Variants in CASR observed in about 807,000 individuals in gnomAD.
CASR encodes calcium sensing receptor, also known as extracellular calcium-sensing receptor.
Under a neutral mutation model 69.1 loss-of-function variants are expected in CASR, and 23 were observed. That is an observed-to-expected ratio of 0.33 (90% CI 0.24 to 0.47). The LOEUF is 0.47. Ranked by LOEUF, CASR falls within the 20% of genes least tolerant of loss-of-function variation. CASR has a pLI of 1.00. For synonymous variants in CASR, 541 were observed against 544.7 expected (o/e 0.99, Z 0.10); for missense variants, 924 against 1,356.1 (o/e 0.68, Z 5.00).
intron 1 of CASR, among the ~76,000 whole-genome samples, chr3:122,237,617 T>C (rs1321351901): frequency 2.0e-5 from 3 of 152,258 alleles, no homozygotes; most frequent in Admixed American, 2.0e-4. Context: ...ATTTTATTAA[T>C]ACGATATTAA....
Position 122,284,844 on chromosome 3 carries a change from CAGA to C in CASR, c.2893_2895del (p.Lys965del), listed in dbSNP as rs772776495. 18 of 1,614,118 alleles carry C rather than the reference CAGA, an allele frequency of 1.1e-5. No homozygotes were observed. Among genetic ancestry groups the C allele is most frequent in the Non-Finnish European group, 1.7e-6 (2 of 1,180,052 alleles). On this transcript the variant is annotated inframe_deletion, in exon 7 of 7. Coordinates refer to ENST00000639785, the MANE Select transcript of CASR (RefSeq NM_000388.4). ...ATCTCAGCAGCAGCCCAGATGCAAG[CAGA>C]AGGTCATCTTTGGCAGCGGCACGGT...
chr3:122,207,126 G>T (rs565957030), intron 1 of CASR, among the ~76,000 whole-genome samples: 98 of 151,480 alleles, frequency 6.5e-4, no homozygotes, highest in Non-Finnish European at 7.4e-4. Flanking sequence ...TCTTGCTTTT[G>T]TAGTTCCGTG....
intron 3 of CASR, among the ~76,000 whole-genome samples, chr3:122,259,628 A>ATTTTTTTTTTTTTTTTTTT (rs11414721): frequency 8.2e-6 from 1 of 122,236 alleles, no homozygotes; most frequent in Non-Finnish European, 1.6e-5. Flanking sequence ...CACATTGGAA[A>ATTTTTTTTTTTTTTTTTTT]TTTTTTTTTT....
rs1259584809 is a variant in CASR at position 122,285,170 on chromosome 3, A to G, written c.3216A>G (p.Thr1072=). 1 of 1,614,030 alleles carries G rather than the reference A, an allele frequency of 6.2e-7. No individual in the cohort carries two copies. Among genetic ancestry groups the G allele is most frequent in the African/African-American group, 1.3e-5 (1 of 74,926 alleles). The change falls in exon 7 of 7, where the codon ACA becomes ACG. Residue 1072 remains threonine (T), a synonymous_variant. Coordinates refer to ENST00000639785, the MANE Select transcript of CASR (RefSeq NM_000388.4). ...TCAGTGGTGGAGGCAGCACTGTTAC[A>G]GAAAACGTAGTGAATTCATAAAATG... is the stretch of plus-strand genomic sequence containing the variant. ...FVISGGGSTV[T]ENVVNS
chr3:122,272,975 A>G (rs1407396906), intron 4 of CASR, among the ~76,000 whole-genome samples: 2 of 152,228 alleles, frequency 1.3e-5, no homozygotes, highest in Non-Finnish European at 2.9e-5. Flanking sequence ...AGTGTGAAAG[A>G]TGACCAGCTA....
chr3:122,192,611 A>G (rs533208349), intron 1 of CASR, among the ~76,000 whole-genome samples: 2 of 152,374 alleles, frequency 1.3e-5, no homozygotes, highest in Admixed American at 1.3e-4. Context: ...TTTGAAGTCA[A>G]AGCTAACTAG....
intron 5 of CASR, among the ~76,000 whole-genome samples, chr3:122,280,279 C>T (rs2074872728): frequency 6.6e-6 from 1 of 152,192 alleles, no homozygotes. Flanking sequence ...AAGCTGGACG[C>T]ATTCCCCTTG....
chr3:122,274,670 G>A (rs890804178), intron 4 of CASR, among the ~76,000 whole-genome samples: 2 of 152,208 alleles, frequency 1.3e-5, no homozygotes, highest in African/African-American at 4.8e-5. Context: ...GGGAGGCTGA[G>A]GCAGGATGGT....
At chr3:122,270,156 G>A (rs1014514658) in intron 4 of CASR, among the ~76,000 whole-genome samples, 4 of 152,086 alleles carry the variant, frequency 2.6e-5, no homozygotes, top group African/African-American at 9.7e-5. Flanking sequence ...GGAAAATTTT[G>A]AACTGAAAAT....
rs193068438 is a variant in CASR at position 122,196,791 on chromosome 3, G to T, written c.-243+12979G>T. Among the ~76,000 whole-genome samples the T allele has an allele frequency of 4.9e-3, 740 of 152,180 alleles. 7 individuals are homozygous for T. Among genetic ancestry groups the T allele is most frequent in the Admixed American group, 0.016 (243 of 15,304 alleles). On this transcript the variant is annotated intron_variant, in intron 1 of 6. Transcript: ENST00000639785. ...TTAATAGGAAAATTGTCTGCATGTT[G>T]TCCCCTTTGCTACCCCCAGTTTTAC... is the stretch of plus-strand genomic sequence containing the variant.
chr3:122,285,018 G>A lies in CASR; in HGVS notation c.3064G>A (p.Asp1022Asn), dbSNP rs2107651862. The part of the protein sequence containing the change: ...PLLPLQCGET[D>N]LDLTVQETGL... ...ACTCCCGCTGCAGTGCGGGGAAACG[G>A]ACTTAGATCTGACCGTCCAGGAAAC... The change falls in exon 7 of 7, where the codon GAC (aspartate) becomes AAC (asparagine). Residue 1022 changes from aspartate to asparagine, a missense_variant. Around this residue, in one of 8 missense-constraint regions of CASR, gnomAD observed 201 missense variants for 228.8 expected, o/e 0.88. Transcript: ENST00000639785. The A allele has an allele frequency of 6.2e-7, 1 of 1,614,236 alleles. No individual in the cohort carries two copies. The highest frequency in any genetic ancestry group is 8.5e-7 in the Non-Finnish European group (1 of 1,180,048).
chr3:122,253,073 G>A lies in CASR; in HGVS notation c.-242-875G>A, dbSNP rs543389379. ...CTAATCCATGATTTCTCTGAATTTC[G>A]TATAAGAACTGTTCTTAAAAGGCTT... On this transcript the variant is annotated intron_variant, in intron 1 of 6. Transcript: ENST00000639785. 4.6e-5 allele frequency among the ~76,000 whole-genome samples: 7 copies of A among 152,182 alleles called. No individual in the cohort carries two copies. In the Middle Eastern group the frequency reaches 0.01, roughly 222 times the overall value.
chr3:122,195,633 G>A (rs907071448), intron 1 of CASR, among the ~76,000 whole-genome samples: 26 of 152,232 alleles, frequency 1.7e-4, no homozygotes, highest in African/African-American at 4.3e-4. Context: ...ACATTGCTTC[G>A]TTTAATCCTA....
At chr3:122,211,358 C>T (rs939981195) in intron 1 of CASR, among the ~76,000 whole-genome samples, 17 of 152,146 alleles carry the variant, frequency 1.1e-4, no homozygotes, top group African/African-American at 3.9e-4. Context: ...GGCCTGATAT[C>T]CAGAATCTAC....
intron 1 of CASR, among the ~76,000 whole-genome samples, chr3:122,219,831 G>A (rs982671311): frequency 1.3e-5 from 2 of 152,230 alleles, no homozygotes; most frequent in Non-Finnish European, 2.9e-5. Flanking sequence ...TTAGACAAGA[G>A]GGATCCCTGC....
At chr3:122,209,222 G>A (rs1257545893) in intron 1 of CASR, among the ~76,000 whole-genome samples, 1 of 152,016 alleles carries the variant, frequency 6.6e-6, no homozygotes. Context: ...CTGCCCTAAA[G>A]CAGTCTCTCT....
chr3:122,217,111 T>TC (rs1403295052), intron 1 of CASR, among the ~76,000 whole-genome samples: 3 of 151,286 alleles, frequency 2.0e-5, no homozygotes, highest in African/African-American at 7.3e-5. Flanking sequence ...AAGTAAAATT[T>TC]TTTTTTTTTT....
rs549328208 is a variant in CASR at position 122,185,552 on chromosome 3, G to A, written c.-243+1740G>A. ...TCCCCTTAAACTGGATCTTCCAAGT[G>A]CAGTTTAGGTAGTCTGTTACTGAGA... On this transcript the variant is annotated intron_variant, in intron 1 of 6. Transcript: ENST00000639785. Among the ~76,000 whole-genome samples the A allele has an allele frequency of 1.1e-4, 17 of 152,348 alleles. No individual in the cohort carries two copies. In the South Asian group the frequency reaches 2.9e-3, roughly 26 times the overall value.
intron 1 of CASR, among the ~76,000 whole-genome samples, chr3:122,201,170 TG>T (rs2073947011): frequency 6.6e-6 from 1 of 152,160 alleles, no homozygotes; most frequent in South Asian, 2.1e-4. Context: ...TTTGTGTCCC[TG>T]GGTACTTGAG....
Sources: gnomAD v4.1 joint callset for allele counts (sites outside exome capture counted in the v4.1 genomes callset) on GRCh38, gnomAD v4.1.1 for gene constraint, gnomAD v4.1.1 regional missense constraint, MANE v1.5 for transcripts, NCBI Gene and HGNC (gene_info 2026-07-23, HGNC 2026-07-21) for gene names.